Variants in ZFHX4 observed in about 807,000 individuals in gnomAD.
ZFHX4 encodes zinc finger homeobox protein 4.
ZFHX4 carries 56 observed loss-of-function variants against 267.6 expected under a neutral mutation model. That is an observed-to-expected ratio of 0.21 (90% confidence interval 0.17 to 0.26). The LOEUF (loss-of-function observed/expected upper bound fraction) is 0.26, where lower values mean the gene tolerates loss of function less well. Among genes scored for constraint, ZFHX4 ranks in the 10% least tolerant of loss-of-function variants. The probability of loss-of-function intolerance (pLI) is 1.00; values close to 1 mark genes in which losing one functional copy is unlikely to be tolerated. For missense variants in ZFHX4, 4,332 were observed against 4,420.0 expected (o/e 0.98, Z 0.56); for synonymous variants, 1,778 against 1,665.6 (o/e 1.07, Z -1.64).
At chr8:76,808,409 C>T (rs1811296390) in intron 4 of ZFHX4, among the ~76,000 whole-genome samples, 1 of 151,884 alleles carries the variant, frequency 6.6e-6, no homozygotes, top group African/African-American at 2.4e-5. Flanking sequence ...AATTTCTATC[C>T]TTTCTTTGTG....
chr8:76,686,017 T>C (rs1233364035), intron 1 of ZFHX4, among the ~76,000 whole-genome samples: 2 of 152,136 alleles, frequency 1.3e-5, no homozygotes, highest in Non-Finnish European at 2.9e-5. Context: ...GAGCAGAAAT[T>C]TGGAGAGAGG....
At chr8:76,781,164 A>G (rs1585938030) in intron 4 of ZFHX4, among the ~76,000 whole-genome samples, 1 of 152,034 alleles carries the variant, frequency 6.6e-6, no homozygotes, top group African/African-American at 2.4e-5. Context: ...GAGAGTTGTA[A>G]ACTACTGATA....
rs747099494 is a variant in ZFHX4 at position 76,705,882 on chromosome 8, T to G, written c.1794T>G (p.Pro598=). 6.2e-7 allele frequency: 1 copy of G among 1,613,660 alleles called. No homozygotes were observed. The highest frequency in any genetic ancestry group is 1.1e-5 in the South Asian group (1 of 91,060). The change falls in exon 2 of 11, where the codon CCT becomes CCG. Residue 598 remains proline (P), a synonymous_variant. Transcript: ENST00000651372. Reference sequence around the variant, plus strand: ...AGCATGGCTTTACCCCGAGTACTCCTGGCACACCAGGGCCTGGAGGAGACG... The same window carrying G: ...AGCATGGCTTTACCCCGAGTACTCCGGGCACACCAGGGCCTGGAGGAGACG... The part of the protein sequence containing the change: ...PHQHGFTPST[P]GTPGPGGDGS...
intron 3 of ZFHX4, among the ~76,000 whole-genome samples, chr8:76,768,419 T>TG (rs1810145572): frequency 6.6e-6 from 1 of 152,144 alleles, no homozygotes; most frequent in African/African-American, 2.4e-5. Flanking sequence ...ATACTCAAGC[T>TG]GGCCATTGAG....
At chr8:76,727,482 T>C (rs1369314591) in intron 3 of ZFHX4, among the ~76,000 whole-genome samples, 1 of 152,168 alleles carries the variant, frequency 6.6e-6, no homozygotes, top group Non-Finnish European at 1.5e-5. Flanking sequence ...GCTCCTTTCC[T>C]TAGGTAAGTG....
At chr8:76,754,236 T>C (rs60806571) in intron 3 of ZFHX4, among the ~76,000 whole-genome samples, 45,160 of 152,024 alleles carry the variant, frequency 0.3, 9,589 homozygotes, top group African/African-American at 0.59. Context: ...GCCTGTAATC[T>C]CAGCACTTTG....
At chr8:76,742,591 G>A (rs1228851292) in intron 3 of ZFHX4, among the ~76,000 whole-genome samples, 1 of 152,152 alleles carries the variant, frequency 6.6e-6, no homozygotes, top group African/African-American at 2.4e-5. Flanking sequence ...AAGATAAGGG[G>A]AGTGAAAGGG....
rs28432935 is a variant in ZFHX4, at chr8:76,851,971, G to A, written c.5050G>A (p.Ala1684Thr). ...QTPDLISAQP[A>T]HHPPQSPAQI... ...TCCTGATTTAATCTCTGCTCAACCT[G>A]CACATCACCCACCACAGTCACCAGC... Residue 1684 changes from alanine to threonine, a missense_variant, in exon 10 of 11, where the codon GCA becomes ACA. Physicochemically the swap from Ala to Thr is moderately conservative, Grantham distance 58 (BLOSUM62 0). Coordinates refer to ENST00000651372, the MANE Select transcript of ZFHX4 (RefSeq NM_024721.5). 0.038 allele frequency: 60,938 copies of A among 1,613,800 alleles called. 5,606 individuals carry two copies. The East Asian group carries it at 0.41, about 11-fold the overall frequency.
chr8:76,742,399 G>T (rs910954189), intron 3 of ZFHX4, among the ~76,000 whole-genome samples: 1 of 152,050 alleles, frequency 6.6e-6, no homozygotes, highest in Non-Finnish European at 1.5e-5. Flanking sequence ...CCTTTACCTA[G>T]CATCCAGGAA....
At position 76,851,485 on chromosome 8, in the gene ZFHX4, C is replaced by T. The variant is rs1812520656; in HGVS notation, c.4564C>T (p.Pro1522Ser). 1.2e-6 allele frequency: 2 copies of T among 1,613,720 alleles called. No homozygotes were observed. Among genetic ancestry groups the T allele is most frequent in the Non-Finnish European group, 1.7e-6 (2 of 1,179,850 alleles). Residue 1522 changes from proline (P) to serine (S), a missense_variant, in exon 10 of 11, where the codon CCT becomes TCT. Physicochemically the swap from Pro to Ser is moderately conservative, Grantham distance 74 (BLOSUM62 -1). Around this residue, in one of 7 missense-constraint regions of ZFHX4, gnomAD observed 1,371 missense variants for 1,423.1 expected, o/e 0.96. Transcript: ENST00000651372. ...GGGCTCTGAACCAAAGCGGACCTTA[C>T]CTTTTAGAAAAGGGCCCAATTTTAC... ...DMGSEPKRTLPFRKGPNFTME... is the reference protein window; with the variant it reads ...DMGSEPKRTLSFRKGPNFTME...
In ZFHX4 at chr8:76,849,223, T is replaced by A. The variant is rs1812445164; in HGVS notation, c.3645+95T>A. ...CAAATGATTCCATGCTGTTGAAATGTATGTAGACATTGCAATTGGCAATGT... is the reference window on the plus strand; with the variant it reads ...CAAATGATTCCATGCTGTTGAAATGAATGTAGACATTGCAATTGGCAATGT... On this transcript the variant is annotated intron_variant, in intron 7 of 10. Coordinates refer to ENST00000651372, the MANE Select transcript of ZFHX4 (RefSeq NM_024721.5). The A allele has an allele frequency of 2.4e-5, 33 of 1,365,540 alleles. No individual in the cohort carries two copies. In the South Asian group the frequency reaches 5.0e-4, roughly 21 times the overall value. The allele number at this position is 1,365,540 out of a possible 1,614,324, so 84.6% of individuals were successfully genotyped here.
In ZFHX4 at chr8:76,856,227, C is replaced by T. The variant is rs61729534; in HGVS notation, c.9306C>T (p.Pro3102=). Residue 3102 remains proline (P), a synonymous_variant, in exon 10 of 11, where the codon CCC becomes CCT. Coordinates refer to ENST00000651372, the MANE Select transcript of ZFHX4 (RefSeq NM_024721.5). ...ISLPTAYPGL[P]GLPPVLLPGM... is the part of the protein sequence containing the mutation. Reference sequence around the variant, plus strand: ...TGCCAACAGCCTACCCCGGACTCCCCGGCCTTCCTCCAGTCCTTCTCCCCG... The same window carrying T: ...TGCCAACAGCCTACCCCGGACTCCCTGGCCTTCCTCCAGTCCTTCTCCCCG... The T allele has an allele frequency of 2.6e-3, 4,242 of 1,613,964 alleles. 10 individuals are homozygous for T. The highest frequency in any genetic ancestry group is 3.5e-3 in the Non-Finnish European group (4,076 of 1,179,860).
rs368515394 is a variant in ZFHX4 at position 76,705,273 on chromosome 8, G to T, written c.1185G>T (p.Pro395=). ...SASTSSSAEQ[P]LGITQMPKAE... ...GCACCTCGAGCTCAGCAGAGCAGCC[G>T]CTGGGGATTACCCAAATGCCAAAGG... Residue 395 remains proline (P), a synonymous_variant, in exon 2 of 11, where the codon CCG becomes CCT. Coordinates refer to ENST00000651372, the MANE Select transcript of ZFHX4 (RefSeq NM_024721.5). 2.3e-5 allele frequency: 37 copies of T among 1,613,842 alleles called. No individual in the cohort carries two copies. The highest frequency in any genetic ancestry group is 3.1e-5 in the Non-Finnish European group (36 of 1,179,892).
chr8:76,863,673 A>G lies in ZFHX4; in HGVS notation c.9959A>G (p.Gln3320Arg), dbSNP rs980898163. 6.2e-7 allele frequency: 1 copy of G among 1,604,332 alleles called. No homozygotes were observed. The highest frequency in any genetic ancestry group is 1.3e-5 in the African/African-American group (1 of 74,760). ...CCAGGTGCACTGTTGCAGCAGTACCAACAGTATCAGCAGAACCTGCAGGAG... is the reference window on the plus strand; with the variant it reads ...CCAGGTGCACTGTTGCAGCAGTACCGACAGTATCAGCAGAACCTGCAGGAG... Reference protein sequence around the residue: ...LSPGALLQQYQQYQQNLQESL... With the variant: ...LSPGALLQQYRQYQQNLQESL... Residue 3320 changes from glutamine to arginine, a missense_variant, in exon 11 of 11, where the codon CAA becomes CGA. Physicochemically the swap from Gln to Arg is conservative, Grantham distance 43. Transcript: ENST00000651372.
intron 1 of ZFHX4, among the ~76,000 whole-genome samples, chr8:76,692,624 A>G (rs992282146): frequency 6.6e-6 from 1 of 152,104 alleles, no homozygotes; most frequent in African/African-American, 2.4e-5. Context: ...AAGTTCAAAG[A>G]TGGTAAATTC....
chr8:76,810,627 C>A (rs1456621512), intron 4 of ZFHX4, among the ~76,000 whole-genome samples: 1 of 152,102 alleles, frequency 6.6e-6, no homozygotes, highest in Non-Finnish European at 1.5e-5. Flanking sequence ...CTTTTTTACC[C>A]TTCGGCTTCT....
Position 76,706,290 on chromosome 8 carries a change from T to A in ZFHX4, c.2202T>A (p.Asn734Lys), listed in dbSNP as rs1401567856. The A allele has an allele frequency of 6.2e-7, 1 of 1,614,120 alleles. No homozygotes were observed. Among genetic ancestry groups the A allele is most frequent in the Admixed American group, 1.7e-5 (1 of 60,020 alleles). ...LNNVQNLQNG[N>K]GEQVFGHSAP... Reference sequence around the variant, plus strand: ...ATGTTCAGAATCTCCAAAATGGCAATGGTGAGCAGGTGTTTGGCCACTCTG... The same window carrying A: ...ATGTTCAGAATCTCCAAAATGGCAAAGGTGAGCAGGTGTTTGGCCACTCTG... Residue 734 changes from asparagine (N) to lysine (K), a missense_variant, in exon 2 of 11, where the codon AAT (asparagine) becomes AAA (lysine). By Grantham distance (94) the Asn-to-Lys change is moderately conservative. Around this residue, in one of 7 missense-constraint regions of ZFHX4, gnomAD observed 1,195 missense variants for 1,173.6 expected, o/e 1.02. Transcript: ENST00000651372.
In ZFHX4 at chr8:76,853,236, C is replaced by T; in HGVS notation, c.6315C>T (p.Leu2105=). Residue 2105 remains leucine, a synonymous_variant, in exon 10 of 11, where the codon CTC becomes CTT. Coordinates refer to ENST00000651372, the MANE Select transcript of ZFHX4 (RefSeq NM_024721.5). ...TGCAGCTGCCACAGATGGACGCACT[C>T]TCTGCAGACCTCACCCAACTTTGCC... ...LALQLPQMDA[L]SADLTQLCQQ... 6.3e-7 allele frequency: 1 copy of T among 1,577,512 alleles called. No individual in the cohort carries two copies.
chr8:76,752,487 C>CAAAAAAAAAAAAAAAA (rs144149879), intron 3 of ZFHX4, among the ~76,000 whole-genome samples: 3 of 70,960 alleles, frequency 4.2e-5, no homozygotes, highest in Non-Finnish European at 9.1e-5. Flanking sequence ...ACCAAAAATC[C>CAAAAAAAAAAAAAAAA]AAAAAAAAAA....
Sources: allele counts gnomAD v4.1 joint callset (sites outside exome capture counted in the v4.1 genomes callset), GRCh38; gene constraint gnomAD v4.1.1; regional missense constraint gnomAD v4.1.1; transcripts MANE v1.5; gene names NCBI Gene and HGNC (gene_info 2026-07-23, HGNC 2026-07-21).